ADAM20: variants seen among roughly 807,000 people sequenced by gnomAD.
The protein encoded by ADAM20 is ADAM metallopeptidase domain 20, also known as disintegrin and metalloproteinase domain-containing protein 20.
For missense variants in ADAM20, 871 were observed against 883.2 expected, an observed-to-expected ratio of 0.99 and a Z score of 0.18; for synonymous variants, 305 against 310.2, an observed-to-expected ratio of 0.98 and a Z score of 0.18.
In ADAM20 at chr14:70,523,719, T is replaced by C. The variant is rs1883512577; in HGVS notation, c.1039A>G (p.Asn347Asp). The C allele has an allele frequency of 6.2e-7, 1 of 1,613,914 alleles. No individual in the cohort carries two copies. The highest frequency in any genetic ancestry group is 1.3e-5 in the African/African-American group (1 of 74,918). Reference protein sequence around the residue: ...AITLGHELGHNLGMQHDTQWC... With the variant: ...AITLGHELGHDLGMQHDTQWC... Reference sequence around the variant, plus strand: ...TGGGTGTCATGTTGCATACCCAAATTATGACCAAGCTCGTGGCCCAAAGTA... The same window carrying C: ...TGGGTGTCATGTTGCATACCCAAATCATGACCAAGCTCGTGGCCCAAAGTA... Residue 347 changes from asparagine to aspartate, a missense_variant, in exon 2 of 2, where the codon AAT (asparagine) becomes GAT (aspartate). Transcript: ENST00000256389.
At chr14:70,542,492 C>T in the ADAM20 span, among the ~76,000 whole-genome samples, 1 of 152,184 alleles carries the variant, frequency 6.6e-6, no homozygotes, top group East Asian at 1.9e-4. Context: ...CACTTTCTGA[C>T]AGGCCAGGAA....
chr14:70,542,489 T>G, the ADAM20 span, among the ~76,000 whole-genome samples: 2 of 152,206 alleles, frequency 1.3e-5, no homozygotes, highest in African/African-American at 2.4e-5. Context: ...TGTCACTTTC[T>G]GACAGGCCAG....
At chr14:70,538,154 C>T (rs184803256), upstream of ADAM20, among the ~76,000 whole-genome samples, 10 of 152,172 alleles carry the variant, frequency 6.6e-5, no homozygotes, top group Non-Finnish European at 1.5e-5. Context: ...CGCCCTGCCC[C>T]CAAGCCCTCA....
chr14:70,557,725 C>T, the ADAM20 span, among the ~76,000 whole-genome samples: 1 of 151,906 alleles, frequency 6.6e-6, no homozygotes, highest in Admixed American at 6.6e-5. Context: ...TGCAGCCCAA[C>T]ACAAATTCAT....
rs150693723 is a variant in ADAM20 at position 70,522,368 on chromosome 14, A to C, written c.*209T>G. 6.2e-6 allele frequency: 3 copies of C among 485,712 alleles called. No homozygotes were observed. Among genetic ancestry groups the C allele is most frequent in the East Asian group, 3.6e-5 (1 of 27,760 alleles). The allele number at this position is 485,712 out of a possible 1,614,324, so 30.1% of individuals were successfully genotyped here. ...ACATAAAGACACAACTTCTGGGAAA[A>C]GGAACCTTTAATATTGCTTAAGACA... On this transcript the variant is annotated 3_prime_UTR_variant, in exon 2 of 2. Coordinates refer to ENST00000256389, the MANE Select transcript of ADAM20 (RefSeq NM_003814.5).
chr14:70,578,099 TAGG>T, the ADAM20 span, among the ~76,000 whole-genome samples: 1 of 152,048 alleles, frequency 6.6e-6, no homozygotes, highest in Non-Finnish European at 1.5e-5. Context: ...TCACACAGAA[TAGG>T]AGAAAATCTT....
the ADAM20 span, chr14:70,557,454 G>C: frequency 6.6e-6 from 1 of 152,188 alleles, no homozygotes; most frequent in African/African-American, 2.4e-5. Flanking sequence ...ACAATTCTTT[G>C]CACCGTAATT....
chr14:70,553,525 T>TAAAAAAAAAAAAAAAAAAAAAAC, the ADAM20 span, among the ~76,000 whole-genome samples: 1 of 57,010 alleles, frequency 1.8e-5, no homozygotes, highest in East Asian at 4.4e-4. Context: ...GCAAAAATCC[T>TAAAAAAAAAAAAAAAAAAAAAAC]AAAAAAAAAA....
chr14:70,541,764 CTT>C, the ADAM20 span, among the ~76,000 whole-genome samples: 2,573 of 152,232 alleles, frequency 0.017, 45 homozygotes, highest in African/African-American at 0.04. Context: ...ATGGGAGACT[CTT>C]ATAATTCTGA....
Position 70,523,856 on chromosome 14 carries a change from T to C in ADAM20, c.902A>G (p.Lys301Arg), listed in dbSNP as rs753081837. The C allele has an allele frequency of 1.9e-6, 3 of 1,613,956 alleles. No homozygotes were observed. The highest frequency in any genetic ancestry group is 3.3e-5 in the Admixed American group (2 of 59,968). The change falls in exon 2 of 2, where the codon AAA becomes AGA. Residue 301 changes from lysine to arginine, a missense_variant. Physicochemically the swap from Lys to Arg is conservative, Grantham distance 26. Transcript: ENST00000256389. ...LQHDVAHLFIKDTQGMKLGVA... is the reference protein window; with the variant it reads ...LQHDVAHLFIRDTQGMKLGVA... ...ACCAAGCTTCATGCCTTGTGTGTCT[T>C]TTATGAAAAGATGTGCAACATCATG...
the ADAM20 span, among the ~76,000 whole-genome samples, chr14:70,541,709 G>A: frequency 6.6e-6 from 1 of 152,236 alleles, no homozygotes; most frequent in African/African-American, 2.4e-5. Flanking sequence ...GGTTTTCTTT[G>A]GACTATATTT....
the ADAM20 span, chr14:70,556,389 A>G: frequency 6.6e-6 from 1 of 152,346 alleles, no homozygotes; most frequent in East Asian, 1.9e-4. Context: ...CACGAGGAAA[A>G]GCCCTTTGTC....
At chr14:70,544,241 G>C in the ADAM20 span, among the ~76,000 whole-genome samples, 2 of 152,142 alleles carry the variant, frequency 1.3e-5, no homozygotes, top group South Asian at 4.1e-4. Flanking sequence ...GACCAAAATA[G>C]GCCAGAAGCC....
intron 1 of ADAM20, among the ~76,000 whole-genome samples, chr14:70,534,559 A>G (rs1289023013): frequency 6.6e-6 from 1 of 152,236 alleles, no homozygotes; most frequent in African/African-American, 2.4e-5. Flanking sequence ...AAGTGAAATA[A>G]GCCAGTCACA....
At chr14:70,537,655 C>A (rs1000534085), upstream of ADAM20, among the ~76,000 whole-genome samples, 1 of 152,148 alleles carries the variant, frequency 6.6e-6, no homozygotes, top group African/African-American at 2.4e-5. Flanking sequence ...AAACAGACAC[C>A]CTCGGCTTCT....
Position 70,523,937 on chromosome 14 carries a change from T to C in ADAM20, c.821A>G (p.Asn274Ser), listed in dbSNP as rs1261504169. ...CCAAATAGAAAAGTCCTCTAAAACA[T>C]TATCTAGGTCTCCACTGGTAGGAAG... ...NPLPTSGDLD[N>S]VLEDFSIWKN... is the part of the protein sequence containing the mutation. Residue 274 changes from asparagine (N) to serine (S), a missense_variant, in exon 2 of 2, where the codon AAT becomes AGT. By Grantham distance (46) the Asn-to-Ser change is conservative (BLOSUM62 1). Transcript: ENST00000256389. 3.7e-6 allele frequency: 6 copies of C among 1,613,882 alleles called. No individual in the cohort carries two copies. In the South Asian group the frequency reaches 4.4e-5, roughly 12 times the overall value.
the ADAM20 span, among the ~76,000 whole-genome samples, chr14:70,570,430 T>C: frequency 6.6e-6 from 1 of 151,760 alleles, no homozygotes; most frequent in Non-Finnish European, 1.5e-5. Context: ...TAAAAAATGA[T>C]AAAGGTGACA....
the ADAM20 span, among the ~76,000 whole-genome samples, chr14:70,565,932 GA>G: frequency 4.7e-4 from 65 of 139,536 alleles, no homozygotes; most frequent in East Asian, 4.1e-3. Flanking sequence ...AGTGCTGAAA[GA>G]AAAAAAAAAA....
chr14:70,554,051 A>T, the ADAM20 span, among the ~76,000 whole-genome samples: 4,050 of 152,336 alleles, frequency 0.027, 81 homozygotes, highest in Middle Eastern at 0.058. Context: ...GACTCCACCA[A>T]AAAACTATTA....
Sources: gnomAD v4.1 joint callset for allele counts (sites outside exome capture counted in the v4.1 genomes callset) on GRCh38, gnomAD v4.1.1 for gene constraint, MANE v1.5 for transcripts, NCBI Gene and HGNC (gene_info 2026-07-23, HGNC 2026-07-21) for gene names.